The following TRIM71 variants were observed in gnomAD, a reference collection of about 807,000 sequenced individuals.
The protein encoded by TRIM71 is tripartite motif containing 71.
Under a neutral mutation model 61.2 loss-of-function variants are expected in TRIM71, and 9 were observed. That is an observed-to-expected ratio of 0.15 (90% CI 0.09 to 0.26). The LOEUF (loss-of-function observed/expected upper bound fraction) is 0.26, where lower values mean the gene tolerates loss of function less well. Ranked by LOEUF, TRIM71 falls within the 10% of genes least tolerant of loss-of-function variation. TRIM71 has a pLI of 1.00. For missense variants in TRIM71, 998 were observed against 1,238.7 expected, an observed-to-expected ratio of 0.81 and a Z score of 2.92; for synonymous variants, 645 against 553.2, an observed-to-expected ratio of 1.17 and a Z score of -2.33.
chr3:32,864,570 C>T (rs572295289), intron 1 of TRIM71, among the ~76,000 whole-genome samples: 1 of 152,276 alleles, frequency 6.6e-6, no homozygotes, highest in Non-Finnish European at 1.5e-5. Flanking sequence ...GTGTGGAGGA[C>T]GTGTTGTTTA....
intron 2 of TRIM71, among the ~76,000 whole-genome samples, chr3:32,875,797 G>C (rs1035702866): frequency 2.6e-5 from 4 of 152,030 alleles, no homozygotes; most frequent in African/African-American, 9.7e-5. Flanking sequence ...GATTATGCCA[G>C]TGCACTCCAG....
intron 1 of TRIM71, among the ~76,000 whole-genome samples, chr3:32,819,139 G>A (rs568627029): frequency 6.6e-6 from 1 of 152,278 alleles, no homozygotes; most frequent in African/African-American, 2.4e-5. Flanking sequence ...GTCGCGAGGG[G>A]CTCCGAAAAA....
chr3:32,869,424 T>TA (rs1696773221), intron 1 of TRIM71, among the ~76,000 whole-genome samples: 1 of 152,234 alleles, frequency 6.6e-6, no homozygotes. Context: ...TCTTCACTGA[T>TA]AGGGGTAGTT....
intron 3 of TRIM71, among the ~76,000 whole-genome samples, chr3:32,888,930 C>G (rs1696992599): frequency 6.6e-6 from 1 of 152,164 alleles, no homozygotes; most frequent in Non-Finnish European, 1.5e-5. Context: ...TTGCTGTTTC[C>G]TTTGCTGAGA....
chr3:32,852,639 G>GA (rs932147915), intron 1 of TRIM71, among the ~76,000 whole-genome samples: 4 of 151,652 alleles, frequency 2.6e-5, no homozygotes, highest in African/African-American at 9.7e-5. Flanking sequence ...TGGAAGTAAT[G>GA]AAAAAAAGAA....
At chr3:32,861,154 A>G (rs1356025477) in intron 1 of TRIM71, among the ~76,000 whole-genome samples, 1 of 151,776 alleles carries the variant, frequency 6.6e-6, no homozygotes, top group Non-Finnish European at 1.5e-5. Flanking sequence ...CAGCCAGAGC[A>G]AGACTGTCTC....
At chr3:32,844,991 G>A (rs1696456103) in intron 1 of TRIM71, among the ~76,000 whole-genome samples, 1 of 152,206 alleles carries the variant, frequency 6.6e-6, no homozygotes, top group African/African-American at 2.4e-5. Context: ...GTTGTTTCAT[G>A]TGGGACTCTG....
rs1477983781 is a variant in TRIM71 at position 32,817,998 on chromosome 3, C to T, written c.-83C>T. 8 of 1,310,934 alleles carry T rather than the reference C, an allele frequency of 6.1e-6. No individual in the cohort carries two copies. The highest frequency in any genetic ancestry group is 1.3e-5 in the South Asian group (1 of 78,446). 81.2% of individuals were successfully genotyped at this position (1,310,934 alleles called of 1,614,324 possible). A position where few individuals can be genotyped will look rare whatever the true frequency, so the allele number is the denominator to read the frequency against. On this transcript the variant is annotated 5_prime_UTR_variant, in exon 1 of 4. Coordinates refer to ENST00000383763, the MANE Select transcript of TRIM71 (RefSeq NM_001039111.3). ...TGCATTTTTCTGAGTGAGTCGGTGA[C>T]TCCCCCACCCACCTCGTCCGCTCTC...
At chr3:32,855,366 G>A (rs371393790) in intron 1 of TRIM71, among the ~76,000 whole-genome samples, 1 of 152,062 alleles carries the variant, frequency 6.6e-6, no homozygotes, top group African/African-American at 2.4e-5. Flanking sequence ...GGGCCACTGT[G>A]GGGTGGGGGA....
In TRIM71 at chr3:32,874,358, TACTACTACTACA is replaced by T. The variant is rs1461212375; in HGVS notation, c.1020+376_1020+387del. Among the ~76,000 whole-genome samples the T allele has an allele frequency of 8.9e-4, 131 of 146,514 alleles. 1 individual carries two copies. Among genetic ancestry groups the T allele is most frequent in the African/African-American group, 2.7e-3 (100 of 36,690 alleles). ...CTACTACTACTACTACTACTACTACTACTACTACTACAACATATTTTTTGAGATGAGTCTTGC... is the reference window on the plus strand; with the variant it reads ...CTACTACTACTACTACTACTACTACTACATATTTTTTGAGATGAGTCTTGC... On this transcript the variant is annotated intron_variant, in intron 2 of 3. Transcript: ENST00000383763.
intron 1 of TRIM71, among the ~76,000 whole-genome samples, chr3:32,854,273 C>T (rs925845716): frequency 5.9e-5 from 9 of 152,234 alleles, no homozygotes; most frequent in African/African-American, 9.6e-5. Flanking sequence ...GGATTACACA[C>T]GTAAGCCACT....
intron 1 of TRIM71, among the ~76,000 whole-genome samples, chr3:32,824,711 C>T (rs1696181301): frequency 6.6e-6 from 1 of 151,400 alleles, no homozygotes; most frequent in South Asian, 2.1e-4. Flanking sequence ...CTCAAACTCC[C>T]AAGGTCAAGC....
Position 32,818,856 on chromosome 3 carries a change from C to G in TRIM71, c.776C>G (p.Pro259Arg), listed in dbSNP as rs746139247. The G allele has an allele frequency of 3.0e-5, 48 of 1,612,340 alleles. No individual in the cohort carries two copies. The highest frequency in any genetic ancestry group is 4.0e-5 in the Non-Finnish European group (47 of 1,179,740). ...AAAQQLGLGP[P>R]FPGPPFSILS... ...GCGCAGCAGCTCGGGCTCGGGCCGC[C>G]CTTTCCCGGCCCGCCCTTCTCCATC... The change falls in exon 1 of 4, where the codon CCC becomes CGC. Residue 259 changes from proline (P) to arginine (R), a missense_variant. By Grantham distance (103) the Pro-to-Arg change is moderately radical. Transcript: ENST00000383763.
At chr3:32,820,906 A>G (rs1219467970) in intron 1 of TRIM71, among the ~76,000 whole-genome samples, 2 of 152,200 alleles carry the variant, frequency 1.3e-5, no homozygotes, top group African/African-American at 4.8e-5. Flanking sequence ...GTTTTGAGCA[A>G]GATTCTGCTT....
At chr3:32,866,215 C>T (rs141819749) in intron 1 of TRIM71, among the ~76,000 whole-genome samples, 13 of 151,668 alleles carry the variant, frequency 8.6e-5, no homozygotes, top group Non-Finnish European at 1.3e-4. Context: ...GGATTACAGG[C>T]GTGAACCACT....
At chr3:32,862,000 A>G (rs1306985846) in intron 1 of TRIM71, among the ~76,000 whole-genome samples, 1 of 152,242 alleles carries the variant, frequency 6.6e-6, no homozygotes, top group Non-Finnish European at 1.5e-5. Flanking sequence ...CCAATTTAAA[A>G]TAATTACTGC....
chr3:32,872,233 TC>T lies in TRIM71; in HGVS notation c.853-1583del, dbSNP rs1341834483. 3.9e-5 allele frequency among the ~76,000 whole-genome samples: 6 copies of T among 152,128 alleles called. No individual in the cohort carries two copies. In the East Asian group the frequency reaches 7.7e-4, roughly 20 times the overall value. ...ACTTAACAAAAGTAAAAACACAATATCCTAAATCTTTCGTTTTTCCTGTTTC... is the reference window on the plus strand; with the variant it reads ...ACTTAACAAAAGTAAAAACACAATATCTAAATCTTTCGTTTTTCCTGTTTC... On this transcript the variant is annotated intron_variant, in intron 1 of 3. Transcript: ENST00000383763.
At chr3:32,823,010 C>T (rs185438373) in intron 1 of TRIM71, among the ~76,000 whole-genome samples, 1 of 151,978 alleles carries the variant, frequency 6.6e-6, no homozygotes, top group East Asian at 1.9e-4. Flanking sequence ...ATTTCTGTTA[C>T]CTGCTTTCAA....
intron 1 of TRIM71, among the ~76,000 whole-genome samples, chr3:32,850,671 A>G (rs568050762): frequency 1.8e-4 from 28 of 151,654 alleles, no homozygotes; most frequent in African/African-American, 6.5e-4. Flanking sequence ...TGTGTAGATG[A>G]ACATTCTTTG....
Sources: gnomAD v4.1 joint callset for allele counts (sites outside exome capture counted in the v4.1 genomes callset) on GRCh38, gnomAD v4.1.1 for gene constraint, MANE v1.5 for transcripts, NCBI Gene and HGNC (gene_info 2026-07-23, HGNC 2026-07-21) for gene names.